GPD2: variants seen among roughly 807,000 people sequenced by gnomAD.
GPD2 encodes glycerol-3-phosphate dehydrogenase 2.
In GPD2, 54 loss-of-function variants were observed where a neutral mutation model predicts 82.4. The ratio of observed to expected loss-of-function variants is 0.66; its 90% CI spans 0.53 to 0.82. GPD2 has a LOEUF of 0.82. GPD2 is among the 40% of genes least tolerant of loss of function. The pLI is 0.00. For missense variants in GPD2, 748 were observed against 896.2 expected (o/e 0.83, Z 2.11); for synonymous variants, 288 against 306.1 (o/e 0.94, Z 0.62).
chr2:156,582,976 A>C lies in GPD2; in HGVS notation c.*58A>C. 1.3e-6 allele frequency: 2 copies of C among 1,571,536 alleles called. No individual in the cohort carries two copies. Among genetic ancestry groups the C allele is most frequent in the Non-Finnish European group, 1.7e-6 (2 of 1,142,942 alleles). On this transcript the variant is annotated 3_prime_UTR_variant, in exon 17 of 17. Coordinates refer to ENST00000438166, the MANE Select transcript of GPD2 (RefSeq NM_000408.5). ...AGAAACGACAAATCACCATGTAACA[A>C]CCAGAGATGACTGAAACCACTCTGA...
At chr2:156,523,410 A>G (rs1303600273) in intron 6 of GPD2, among the ~76,000 whole-genome samples, 1 of 152,184 alleles carries the variant, frequency 6.6e-6, no homozygotes, top group East Asian at 1.9e-4. Context: ...AGTTCAACAA[A>G]GGCTATCCAA....
In GPD2 at chr2:156,569,501, A is replaced by G. The variant is rs1327806100; in HGVS notation, c.1439A>G (p.Tyr480Cys). The G allele has an allele frequency of 1.9e-6, 3 of 1,613,218 alleles. No homozygotes were observed. Among genetic ancestry groups the G allele is most frequent in the Middle Eastern group, 1.7e-4 (1 of 6,050 alleles). ...GGTAAAGATTGGAGCCCCACACTCTACATTAGGCTTGTGCAGGATTATGGA... is the reference window on the plus strand; with the variant it reads ...GGTAAAGATTGGAGCCCCACACTCTGCATTAGGCTTGTGCAGGATTATGGA... ...QGGKDWSPTLYIRLVQDYGLE... is the reference protein window; with the variant it reads ...QGGKDWSPTLCIRLVQDYGLE... The change falls in exon 11 of 17, where the codon TAC (tyrosine) becomes TGC (cysteine). Residue 480 changes from tyrosine to cysteine, a missense_variant. By Grantham distance (194) the Tyr-to-Cys change is radical. This residue lies in a region of GPD2 where 692 missense variants were observed against 809.7 expected (regional missense o/e 0.85). Coordinates refer to ENST00000438166, the MANE Select transcript of GPD2 (RefSeq NM_000408.5).
intron 9 of GPD2, among the ~76,000 whole-genome samples, chr2:156,564,921 CTT>C (rs1011003782): frequency 2.6e-5 from 4 of 151,962 alleles, no homozygotes; most frequent in African/African-American, 9.7e-5. Context: ...TTTCTTAACT[CTT>C]TTTTATTTTT....
chr2:156,581,840 C>G (rs1012005444), intron 16 of GPD2, among the ~76,000 whole-genome samples: 27 of 151,932 alleles, frequency 1.8e-4, no homozygotes, highest in Admixed American at 1.5e-3. Flanking sequence ...GTCTCTGACT[C>G]TTATTCAGAG....
chr2:156,446,930 A>G (rs1682388258), intron 1 of GPD2, among the ~76,000 whole-genome samples: 2 of 152,224 alleles, frequency 1.3e-5, no homozygotes, highest in East Asian at 1.9e-4. Context: ...CATCATTTTT[A>G]TATCTGAATC....
intron 1 of GPD2, among the ~76,000 whole-genome samples, chr2:156,475,374 G>T (rs1022208048): frequency 6.6e-6 from 1 of 152,054 alleles, no homozygotes; most frequent in African/African-American, 2.4e-5. Context: ...TGTCACCCAG[G>T]TTGGAGTGCA....
rs776919327 is a variant in GPD2, at chr2:156,559,440, T to C, written c.1165+1858T>C. On this transcript the variant is annotated intron_variant, in intron 9 of 16. Transcript: ENST00000438166. ...TCATATATTTATATCAGAAATCTTATAATGTTGATGTCAGTGAAGGACATG... is the reference window on the plus strand; with the variant it reads ...TCATATATTTATATCAGAAATCTTACAATGTTGATGTCAGTGAAGGACATG... 7.2e-5 allele frequency among the ~76,000 whole-genome samples: 11 copies of C among 152,334 alleles called. No homozygotes were observed. The East Asian group carries it at 9.6e-4, about 13-fold the overall frequency.
rs566023756 is a variant in GPD2 at position 156,464,470 on chromosome 2, G to A, written c.-8-11628G>A. ...ATGTAAATTTCAACAGGTTACAGGA[G>A]AAAAAAGACTGCAGGATGGAAAAAC... On this transcript the variant is annotated intron_variant, in intron 1 of 16. Transcript: ENST00000438166. 3.9e-5 allele frequency among the ~76,000 whole-genome samples: 6 copies of A among 152,192 alleles called. No homozygotes were observed. The South Asian group carries it at 1.0e-3, about 26-fold the overall frequency.
intron 3 of GPD2, among the ~76,000 whole-genome samples, chr2:156,510,475 G>A (rs549373650): frequency 3.3e-4 from 51 of 152,328 alleles, no homozygotes; most frequent in African/African-American, 1.2e-3. Context: ...AACTCTTCAT[G>A]GGTAGAGTTG....
At chr2:156,498,461 C>T (rs945907637) in intron 3 of GPD2, among the ~76,000 whole-genome samples, 5 of 152,164 alleles carry the variant, frequency 3.3e-5, no homozygotes, top group Non-Finnish European at 7.4e-5. Context: ...ACATTGCTTG[C>T]TCAAAGTGTT....
intron 2 of GPD2, among the ~76,000 whole-genome samples, chr2:156,490,135 C>A (rs1387209043): frequency 6.6e-6 from 1 of 152,070 alleles, no homozygotes; most frequent in Non-Finnish European, 1.5e-5. Context: ...GATTTGGAAC[C>A]CAAAGCCCTC....
At chr2:156,533,991 C>G (rs1685964644) in intron 6 of GPD2, among the ~76,000 whole-genome samples, 1 of 152,218 alleles carries the variant, frequency 6.6e-6, no homozygotes, top group Non-Finnish European at 1.5e-5. Context: ...AAGCGTTAAC[C>G]AGCTCAGTGC....
At chr2:156,439,442 C>G (rs1468107956) in intron 1 of GPD2, among the ~76,000 whole-genome samples, 1 of 135,786 alleles carries the variant, frequency 7.4e-6, no homozygotes, top group African/African-American at 2.8e-5. Flanking sequence ...ATTAACCAGG[C>G]ATGGTGGCAC....
At chr2:156,428,766 C>A in the GPD2 span, among the ~76,000 whole-genome samples, 1 of 152,158 alleles carries the variant, frequency 6.6e-6, no homozygotes, top group Non-Finnish European at 1.5e-5. Flanking sequence ...CAAAAATGAA[C>A]TTTAATTTGT....
intron 2 of GPD2, among the ~76,000 whole-genome samples, chr2:156,490,572 C>G (rs1684138536): frequency 1.3e-5 from 2 of 152,156 alleles, no homozygotes; most frequent in South Asian, 2.1e-4. Flanking sequence ...ATATCTCACT[C>G]TATTATAACT....
At position 156,585,514 on chromosome 2, in the gene GPD2, C is replaced by T. The variant is rs539686281; in HGVS notation, c.*2596C>T. On this transcript the variant is annotated 3_prime_UTR_variant, in exon 17 of 17. Transcript: ENST00000438166. ...TATTTGTTAAGCCAAGGTTGTCTGC[C>T]TCATATCCATCATGCTGTTTGCAAT... is the stretch of plus-strand genomic sequence containing the variant. 4.6e-5 allele frequency: 7 copies of T among 152,464 alleles called. No homozygotes were observed. The highest frequency in any genetic ancestry group is 1.7e-4 in the African/African-American group (7 of 41,490). 9.4% of individuals were successfully genotyped at this position (152,464 alleles called of 1,614,324 possible).
intron 1 of GPD2, among the ~76,000 whole-genome samples, chr2:156,469,510 T>C (rs1254882860): frequency 1.3e-5 from 2 of 152,336 alleles, no homozygotes; most frequent in East Asian, 3.9e-4. Context: ...ATTGTGTATA[T>C]GTACCACATT....
intron 1 of GPD2, among the ~76,000 whole-genome samples, chr2:156,459,414 C>T (rs1265103528): frequency 2.0e-5 from 3 of 151,908 alleles, no homozygotes; most frequent in Non-Finnish European, 2.9e-5. Context: ...AGGCTGGGCG[C>T]GGTGGCTCAC....
Position 156,524,715 on chromosome 2 carries a change from TAAAAG to T in GPD2, c.661+11221_661+11225del, listed in dbSNP as rs937333069. 3.0e-4 allele frequency among the ~76,000 whole-genome samples: 46 copies of T among 152,240 alleles called. 1 individual carries two copies. The highest frequency in any genetic ancestry group is 1.0e-4 in the Non-Finnish European group (7 of 68,010). ...AGTAAATCACAAAAGCAGCCAAACT[TAAAAG>T]AGAGGGGATTACAAAAGTAAGAAAA... On this transcript the variant is annotated intron_variant, in intron 6 of 16. Transcript: ENST00000438166.
Sources: gnomAD v4.1 joint callset for allele counts (sites outside exome capture counted in the v4.1 genomes callset) on GRCh38, gnomAD v4.1.1 for gene constraint, gnomAD v4.1.1 regional missense constraint, MANE v1.5 for transcripts, NCBI Gene and HGNC (gene_info 2026-07-23, HGNC 2026-07-21) for gene names.